DLG2: variants seen among roughly 807,000 people sequenced by gnomAD.
The protein encoded by DLG2 is discs large MAGUK scaffold protein 2.
In DLG2, 45 loss-of-function variants were observed where a neutral mutation model predicts 132.5. The observed-to-expected ratio is 0.34, with a 90% CI of 0.27 to 0.44. DLG2 has a LOEUF of 0.44. Among genes scored for constraint, DLG2 ranks in the 20% least tolerant of loss-of-function variants. The pLI, the probability that DLG2 is intolerant of heterozygous loss-of-function variation, is 1.00. For missense variants in DLG2, 1,045 were observed against 1,196.9 expected (o/e 0.87, Z 1.87); for synonymous variants, 424 against 419.6 (o/e 1.01, Z -0.13).
intron 4 of DLG2, among the ~76,000 whole-genome samples, chr11:85,216,349 A>G (rs1405120672): frequency 6.6e-6 from 1 of 152,222 alleles, no homozygotes; most frequent in Non-Finnish European, 1.5e-5. Flanking sequence ...TAAGTAAAGT[A>G]CCTAAAAAAA....
At chr11:84,362,204 G>A (rs1051086190) in intron 7 of DLG2, among the ~76,000 whole-genome samples, 1 of 151,912 alleles carries the variant, frequency 6.6e-6, no homozygotes, top group Non-Finnish European at 1.5e-5. Context: ...GGCTTTATCT[G>A]ATTCAACTTG....
intron 6 of DLG2, among the ~76,000 whole-genome samples, chr11:84,810,249 T>G (rs1566024093): frequency 6.6e-6 from 1 of 151,980 alleles, no homozygotes; most frequent in Non-Finnish European, 1.5e-5. Flanking sequence ...TATAAAGAAC[T>G]GTCAAAACTC....
chr11:85,046,034 C>T (rs960484077), intron 6 of DLG2, among the ~76,000 whole-genome samples: 6 of 151,972 alleles, frequency 3.9e-5, no homozygotes, highest in African/African-American at 7.2e-5. Flanking sequence ...TAGTAGGAAG[C>T]ACCAAACTGC....
At chr11:84,846,343 A>G (rs781662515) in intron 6 of DLG2, among the ~76,000 whole-genome samples, 1 of 152,130 alleles carries the variant, frequency 6.6e-6, no homozygotes, top group Non-Finnish European at 1.5e-5. Flanking sequence ...GTAGAGGTAA[A>G]TGGAACCATC....
intron 6 of DLG2, among the ~76,000 whole-genome samples, chr11:84,594,210 T>C (rs1346471871): frequency 6.6e-6 from 1 of 152,174 alleles, no homozygotes; most frequent in Non-Finnish European, 1.5e-5. Context: ...AATGATCTGA[T>C]TTCTTTAGCC....
intron 6 of DLG2, among the ~76,000 whole-genome samples, chr11:84,790,023 T>C (rs2073566489): frequency 6.6e-6 from 1 of 152,216 alleles, no homozygotes; most frequent in African/African-American, 2.4e-5. Context: ...CCTTGGCTAT[T>C]GTGAAGAGTG....
At position 83,840,503 on chromosome 11, in the gene DLG2, A is replaced by ATGTTT. The variant is rs1388460333; in HGVS notation, c.1566-6734_1566-6733insAAACA. 3.9e-5 allele frequency among the ~76,000 whole-genome samples: 6 copies of ATGTTT among 152,350 alleles called. No individual in the cohort carries two copies. In the East Asian group the frequency reaches 1.2e-3, roughly 29 times the overall value. ...ATCACAAAACACAAATGGGCAAAGC[A>ATGTTT]GGATGAGAAGGAAATATAGCAAACT... is the stretch of plus-strand genomic sequence containing the variant. On this transcript the variant is annotated intron_variant, in intron 16 of 27. Coordinates refer to ENST00000376104, the MANE Select transcript of DLG2 (RefSeq NM_001142699.3).
intron 3 of DLG2, among the ~76,000 whole-genome samples, chr11:85,446,114 A>T (rs180883231): frequency 6.6e-6 from 1 of 152,340 alleles, no homozygotes; most frequent in East Asian, 1.9e-4. Context: ...AAATTAATCT[A>T]CCTGAAAAAT....
At chr11:84,486,963 T>C (rs982364743) in intron 7 of DLG2, among the ~76,000 whole-genome samples, 2 of 152,222 alleles carry the variant, frequency 1.3e-5, no homozygotes, top group African/African-American at 4.8e-5. Context: ...TACTCTGACC[T>C]GAGAAGGCCA....
At chr11:84,705,249 A>G (rs1277762529) in intron 6 of DLG2, among the ~76,000 whole-genome samples, 2 of 151,692 alleles carry the variant, frequency 1.3e-5, no homozygotes, top group Non-Finnish European at 3.0e-5. Context: ...CCCTACACAT[A>G]GGGGAATTTT....
chr11:85,010,690 C>T (rs2154135121), intron 6 of DLG2, among the ~76,000 whole-genome samples: 1 of 152,248 alleles, frequency 6.6e-6, no homozygotes, highest in Middle Eastern at 3.4e-3. Flanking sequence ...CAGAATTCAT[C>T]CTAGAACTTG....
chr11:85,559,841 T>TAGAC (rs1462788514), intron 3 of DLG2, among the ~76,000 whole-genome samples: 1 of 151,054 alleles, frequency 6.6e-6, no homozygotes, highest in Non-Finnish European at 1.5e-5. Flanking sequence ...GATAGATAGA[T>TAGAC]AGATAGATAG....
At chr11:85,544,308 G>A (rs1350172954) in intron 3 of DLG2, among the ~76,000 whole-genome samples, 9 of 152,172 alleles carry the variant, frequency 5.9e-5, no homozygotes, top group Admixed American at 5.9e-4. Flanking sequence ...TGGTAGATGT[G>A]TGGTGTTATT....
chr11:84,230,519 T>C (rs143072479), intron 8 of DLG2, among the ~76,000 whole-genome samples: 1 of 152,208 alleles, frequency 6.6e-6, no homozygotes, highest in African/African-American at 2.4e-5. Context: ...CAAGAATGCA[T>C]TGAGTAGCTG....
At chr11:83,486,575 G>A (rs555852741) in intron 21 of DLG2, among the ~76,000 whole-genome samples, 1 of 152,194 alleles carries the variant, frequency 6.6e-6, no homozygotes, top group East Asian at 1.9e-4. Context: ...GGACTATAAT[G>A]TGTTAACATT....
intron 16 of DLG2, among the ~76,000 whole-genome samples, chr11:83,874,036 C>T (rs2064026151): frequency 6.6e-6 from 1 of 151,688 alleles, no homozygotes. Context: ...GTACCTAGCA[C>T]AGTGCTTGGC....
intron 22 of DLG2, among the ~76,000 whole-genome samples, chr11:83,480,198 G>A (rs1481056811): frequency 6.6e-6 from 1 of 151,984 alleles, no homozygotes; most frequent in African/African-American, 2.4e-5. Context: ...TGCACTGATG[G>A]CTCTAGTGTC....
chr11:84,689,094 T>C (rs1455708934), intron 6 of DLG2, among the ~76,000 whole-genome samples: 1 of 152,174 alleles, frequency 6.6e-6, no homozygotes, highest in Non-Finnish European at 1.5e-5. Flanking sequence ...GCTTTTATTA[T>C]TACCTGTTTT....
At chr11:85,532,725 A>C (rs2075293481) in intron 3 of DLG2, among the ~76,000 whole-genome samples, 1 of 152,212 alleles carries the variant, frequency 6.6e-6, no homozygotes, top group Non-Finnish European at 1.5e-5. Flanking sequence ...TAGACAGTAA[A>C]AGGTAAGAAT....
Sources: allele counts gnomAD v4.1 joint callset (sites outside exome capture counted in the v4.1 genomes callset), GRCh38; gene constraint gnomAD v4.1.1; transcripts MANE v1.5; gene names NCBI Gene and HGNC (gene_info 2026-07-23, HGNC 2026-07-21).